The following MAL2 variants were observed in gnomAD, a reference collection of about 807,000 sequenced individuals.
MAL2 encodes mal, T cell differentiation protein 2, also known as protein MAL2.
Under a neutral mutation model 18.1 loss-of-function variants are expected in MAL2, and 17 were observed. That is an observed-to-expected ratio of 0.94 (90% CI 0.64 to 1.41). MAL2 has a LOEUF of 1.41. MAL2 is among the 40% of genes most tolerant of loss of function. MAL2 has a pLI of 0.00. For synonymous variants in MAL2, 102 were observed against 102.3 expected (o/e 1.00, Z 0.02); for missense variants, 222 against 231.9 (o/e 0.96, Z 0.28).
chr8:119,241,589 T>C (rs887968783), intron 3 of MAL2, among the ~76,000 whole-genome samples: 3 of 152,134 alleles, frequency 2.0e-5, no homozygotes, highest in African/African-American at 7.2e-5. Flanking sequence ...TGTTAGATAA[T>C]ACATGTCTAG....
At chr8:119,228,534 G>A (rs1356754099) in intron 2 of MAL2, among the ~76,000 whole-genome samples, 1 of 151,992 alleles carries the variant, frequency 6.6e-6, no homozygotes, top group Non-Finnish European at 1.5e-5. Flanking sequence ...CCTCCAAGCT[G>A]TGCCTTCAGC....
At position 119,231,847 on chromosome 8, in the gene MAL2, T is replaced by TATGTGAAATCTTGAACAGTTGA. The variant is rs1266270893; in HGVS notation, c.304-8315_304-8294dup. On this transcript the variant is annotated intron_variant, in intron 2 of 3. Coordinates refer to ENST00000614891, the MANE Select transcript of MAL2 (RefSeq NM_052886.3). ...GACCAATACCGCATGATCTCACTTA[T>TATGTGAAATCTTGAACAGTTGA]ATGTGAAATCTTGAACAGTTGAATT... 7.2e-4 allele frequency among the ~76,000 whole-genome samples: 110 copies of TATGTGAAATCTTGAACAGTTGA among 152,302 alleles called. 1 individual carries two copies. The highest frequency in any genetic ancestry group is 2.3e-3 in the African/African-American group (97 of 41,580).
chr8:119,234,679 G>A (rs1470681610), intron 2 of MAL2, among the ~76,000 whole-genome samples: 1 of 151,788 alleles, frequency 6.6e-6, no homozygotes, highest in Admixed American at 6.5e-5. Flanking sequence ...TAACTGGGAG[G>A]CACCCCCCAG....
Position 119,242,123 on chromosome 8 carries a change from G to C in MAL2, c.460-1294G>C, listed in dbSNP as rs182770719. On this transcript the variant is annotated intron_variant, in intron 3 of 3. Coordinates refer to ENST00000614891, the MANE Select transcript of MAL2 (RefSeq NM_052886.3). ...TTTTAACGGTGCAGGCTAGATTCTT[G>C]TATCTTGGATCATTGAAGTAGCCCC... Among the ~76,000 whole-genome samples the C allele has an allele frequency of 1.2e-3, 182 of 152,272 alleles. 1 individual carries two copies. Among genetic ancestry groups the C allele is most frequent in the African/African-American group, 4.1e-3 (172 of 41,562 alleles).
intron 2 of MAL2, among the ~76,000 whole-genome samples, chr8:119,232,818 A>ATCTC (rs1463031017): frequency 1.4e-5 from 2 of 147,740 alleles, no homozygotes; most frequent in African/African-American, 5.4e-5. Flanking sequence ...ATTAACATTG[A>ATCTC]TCTCTATGGC....
At chr8:119,213,256 T>C (rs907183778) in intron 1 of MAL2, among the ~76,000 whole-genome samples, 1 of 152,174 alleles carries the variant, frequency 6.6e-6, no homozygotes, top group South Asian at 2.1e-4. Flanking sequence ...GGAGGGACTT[T>C]AGGGGAGGCA....
At chr8:119,231,913 G>A (rs1343826172) in intron 2 of MAL2, among the ~76,000 whole-genome samples, 3 of 152,118 alleles carry the variant, frequency 2.0e-5, no homozygotes, top group Admixed American at 6.5e-5. Context: ...CAGGGTATGG[G>A]GTGATGGGGG....
intron 1 of MAL2, among the ~76,000 whole-genome samples, chr8:119,209,663 T>C (rs1817241043): frequency 6.6e-6 from 1 of 152,210 alleles, no homozygotes; most frequent in Non-Finnish European, 1.5e-5. Context: ...TTGGGTCGCT[T>C]TGGTTTCACT....
intron 2 of MAL2, among the ~76,000 whole-genome samples, chr8:119,236,705 C>T (rs1228307817): frequency 4.0e-5 from 6 of 150,378 alleles, no homozygotes; most frequent in Non-Finnish European, 4.4e-5. Flanking sequence ...GGGTACATAA[C>T]GAAATGAAGG....
rs369904325 is a variant in MAL2, at chr8:119,219,310, T to G, written c.133-2277T>G. Among the ~76,000 whole-genome samples the G allele has an allele frequency of 2.0e-5, 3 of 152,312 alleles. No homozygotes were observed. The East Asian group carries it at 5.8e-4, about 29-fold the overall frequency. Reference sequence around the variant, plus strand: ...AATGTTTCTTCAAAGTAGTAACAAATTATATGATTGGGCCTTTTCTTGAAG... The same window carrying G: ...AATGTTTCTTCAAAGTAGTAACAAAGTATATGATTGGGCCTTTTCTTGAAG... On this transcript the variant is annotated intron_variant, in intron 1 of 3. Coordinates refer to ENST00000614891, the MANE Select transcript of MAL2 (RefSeq NM_052886.3).
At chr8:119,231,242 C>T (rs866511968) in intron 2 of MAL2, among the ~76,000 whole-genome samples, 9 of 152,116 alleles carry the variant, frequency 5.9e-5, no homozygotes, top group East Asian at 1.9e-4. Context: ...CTGTGTTAGC[C>T]AGGATGGTCT....
At chr8:119,221,350 C>A (rs777253960) in intron 1 of MAL2, 7 of 454,944 alleles carry the variant, frequency 1.5e-5, no homozygotes, top group Non-Finnish European at 2.4e-5. Flanking sequence ...CGAGTCCAAC[C>A]TGAAGATACA....
At chr8:119,215,189 T>C (rs1184074407) in intron 1 of MAL2, 2 of 152,230 alleles carry the variant, frequency 1.3e-5, no homozygotes, top group Non-Finnish European at 2.9e-5. Context: ...CCTCCTGAGA[T>C]CTGGTACTAG....
rs186927449 is a variant in MAL2, at chr8:119,245,053, T to C, written c.*1565T>C. 1 of 152,724 alleles carries C rather than the reference T, an allele frequency of 6.5e-6. No individual in the cohort carries two copies. Among genetic ancestry groups the C allele is most frequent in the Admixed American group, 6.5e-5 (1 of 15,292 alleles). The allele number at this position is 152,724 out of a possible 1,614,324, so 9.5% of individuals were successfully genotyped here. On this transcript the variant is annotated 3_prime_UTR_variant, in exon 4 of 4. Transcript: ENST00000614891. ...GCTTAATGATCAAGTGTTACTTATC[T>C]AATAATCCTCTAGAAAGAACCCTGT... is the stretch of plus-strand genomic sequence containing the variant.
At chr8:119,220,834 G>A (rs1202914383) in intron 1 of MAL2, among the ~76,000 whole-genome samples, 1 of 152,148 alleles carries the variant, frequency 6.6e-6, no homozygotes, top group African/African-American at 2.4e-5. Context: ...TTGCCCAATT[G>A]TGACATTTAT....
At chr8:119,227,716 C>T (rs1035995809) in intron 2 of MAL2, among the ~76,000 whole-genome samples, 5 of 152,180 alleles carry the variant, frequency 3.3e-5, no homozygotes, top group Admixed American at 3.3e-4. Context: ...TCCATTTCTC[C>T]ATATACATCT....
intron 1 of MAL2, among the ~76,000 whole-genome samples, chr8:119,220,616 C>CGCTCAG (rs1817447470): frequency 6.6e-6 from 1 of 152,172 alleles, no homozygotes; most frequent in Non-Finnish European, 1.5e-5. Context: ...CAGTACAGTT[C>CGCTCAG]TCTCCGTTCC....
chr8:119,236,317 A>G (rs1361602950), intron 2 of MAL2, among the ~76,000 whole-genome samples: 1 of 147,908 alleles, frequency 6.8e-6, no homozygotes, highest in Non-Finnish European at 1.5e-5. Flanking sequence ...ACCTACAAAG[A>G]GACTTAGACT....
intron 1 of MAL2, among the ~76,000 whole-genome samples, chr8:119,220,259 A>T (rs1336649401): frequency 6.6e-6 from 1 of 152,154 alleles, no homozygotes; most frequent in East Asian, 1.9e-4. Context: ...CCCACATCTG[A>T]TCAGTTACCA....
Sources: allele counts gnomAD v4.1 joint callset (sites outside exome capture counted in the v4.1 genomes callset), GRCh38; gene constraint gnomAD v4.1.1; transcripts MANE v1.5; gene names NCBI Gene and HGNC (gene_info 2026-07-23, HGNC 2026-07-21).